Variants in CDH12 observed in about 807,000 individuals in gnomAD.
The protein encoded by CDH12 is cadherin-12.
In CDH12, 41 loss-of-function variants were observed where a neutral mutation model predicts 74.1. The ratio of observed to expected loss-of-function variants is 0.55; its 90% CI spans 0.43 to 0.72. The LOEUF is 0.72. Among genes scored for constraint, CDH12 ranks in the 30% least tolerant of loss-of-function variants. CDH12 has a pLI of 0.00. For missense variants in CDH12, 945 were observed against 977.2 expected (o/e 0.97, Z 0.44); for synonymous variants, 399 against 355.0 (o/e 1.12, Z -1.39).
chr5:22,073,930 C>T (rs9293008), intron 5 of CDH12, among the ~76,000 whole-genome samples: 56,053 of 151,946 alleles, frequency 0.37, 12,912 homozygotes, highest in African/African-American at 0.66. Context: ...TTTCCACATA[C>T]GCTCTTTCTA....
intron 6 of CDH12, among the ~76,000 whole-genome samples, chr5:21,948,873 G>C (rs917265821): frequency 3.3e-5 from 5 of 152,016 alleles, no homozygotes; most frequent in African/African-American, 1.2e-4. Flanking sequence ...GAGTTCTCAG[G>C]AGATCTGATG....
In CDH12 at chr5:22,086,585, C is replaced by T. The variant is rs186470616; in HGVS notation, c.-186-7723G>A. 7.0e-4 allele frequency among the ~76,000 whole-genome samples: 106 copies of T among 152,142 alleles called. 1 individual carries two copies. In the East Asian group the frequency reaches 0.02, roughly 28 times the overall value. ...TCTTGGCCAGGCTGGCATTGAACTC[C>T]TGACCTTGTGATCCACCCGCCTTGG... On this transcript the variant is annotated intron_variant, in intron 4 of 14. Transcript: ENST00000382254.
intron 6 of CDH12, among the ~76,000 whole-genome samples, chr5:21,876,572 T>G (rs1430180214): frequency 6.6e-6 from 1 of 152,210 alleles, no homozygotes; most frequent in Non-Finnish European, 1.5e-5. Flanking sequence ...TTCTACAATG[T>G]TTTCCTTATG....
intron 1 of CDH12, among the ~76,000 whole-genome samples, chr5:22,710,865 T>C (rs1239032728): frequency 5.9e-5 from 9 of 152,114 alleles, no homozygotes; most frequent in African/African-American, 1.7e-4. Flanking sequence ...AGATTCGTGA[T>C]GACCTTATAG....
At chr5:22,718,177 A>G (rs1561599942) in intron 1 of CDH12, among the ~76,000 whole-genome samples, 1 of 152,232 alleles carries the variant, frequency 6.6e-6, no homozygotes, top group Non-Finnish European at 1.5e-5. Flanking sequence ...TTGAGAAAGT[A>G]ATGTAAATAT....
At chr5:22,151,501 A>C (rs1172385128) in intron 4 of CDH12, among the ~76,000 whole-genome samples, 1 of 152,128 alleles carries the variant, frequency 6.6e-6, no homozygotes, top group Non-Finnish European at 1.5e-5. Context: ...TCCTTCCTCA[A>C]GAGATTAAAT....
intron 5 of CDH12, among the ~76,000 whole-genome samples, chr5:22,009,939 C>CAAAAAAAAAAAAAAAAAAA (rs774589642): frequency 5.7e-4 from 31 of 54,070 alleles, no homozygotes; most frequent in Non-Finnish European, 8.2e-4. Flanking sequence ...GAAACTGTCT[C>CAAAAAAAAAAAAAAAAAAA]AAAAAAAAAA....
intron 1 of CDH12, among the ~76,000 whole-genome samples, chr5:22,626,988 T>C (rs1738331362): frequency 6.6e-6 from 1 of 152,184 alleles, no homozygotes; most frequent in Admixed American, 6.5e-5. Context: ...ATAGACCATG[T>C]AGAGGAAAGA....
At chr5:22,560,819 C>A (rs2126748995) in intron 1 of CDH12, among the ~76,000 whole-genome samples, 1 of 152,200 alleles carries the variant, frequency 6.6e-6, no homozygotes, top group Non-Finnish European at 1.5e-5. Context: ...TGTGAAACTT[C>A]TAAGGATCAG....
chr5:21,802,695 G>A (rs550031417), intron 9 of CDH12, among the ~76,000 whole-genome samples: 3 of 146,130 alleles, frequency 2.1e-5, no homozygotes, highest in African/African-American at 7.5e-5. Flanking sequence ...GGGTTCAAGC[G>A]GTTCTCCTGC....
chr5:22,096,208 C>T (rs1743770573), intron 4 of CDH12, among the ~76,000 whole-genome samples: 1 of 152,094 alleles, frequency 6.6e-6, no homozygotes, highest in South Asian at 2.1e-4. Context: ...GCTGCTTGAC[C>T]CCAATACAAA....
chr5:21,818,507 C>A (rs1748189405), intron 8 of CDH12, among the ~76,000 whole-genome samples: 1 of 151,870 alleles, frequency 6.6e-6, no homozygotes, highest in Non-Finnish European at 1.5e-5. Context: ...GCATGGGAAG[C>A]AGTTAAATCT....
At chr5:22,188,135 T>TG (rs1750072426) in intron 4 of CDH12, among the ~76,000 whole-genome samples, 1 of 151,250 alleles carries the variant, frequency 6.6e-6, no homozygotes, top group South Asian at 2.1e-4. Context: ...GTTTGGGTTG[T>TG]GGGGGTGGAT....
intron 3 of CDH12, among the ~76,000 whole-genome samples, chr5:22,222,853 T>G (rs984984903): frequency 6.6e-6 from 1 of 152,000 alleles, no homozygotes; most frequent in Non-Finnish European, 1.5e-5. Flanking sequence ...AGTAATAATT[T>G]AAATGCATAA....
chr5:22,691,138 AG>A, intron 1 of CDH12, among the ~76,000 whole-genome samples: 1 of 152,344 alleles, frequency 6.6e-6, no homozygotes, highest in Non-Finnish European at 1.5e-5. Flanking sequence ...TTAAAGTCAC[AG>A]TTGTGTAGCT....
chr5:22,259,007 T>C (rs1753418947), intron 3 of CDH12, among the ~76,000 whole-genome samples: 1 of 152,082 alleles, frequency 6.6e-6, no homozygotes. Flanking sequence ...TGCCATTGCA[T>C]TTATTTAATT....
At chr5:22,540,259 TTTG>T (rs2126717956) in intron 1 of CDH12, among the ~76,000 whole-genome samples, 1 of 151,944 alleles carries the variant, frequency 6.6e-6, no homozygotes, top group Admixed American at 6.6e-5. Context: ...AGAGGATGAG[TTTG>T]TTGATTCTAT....
intron 1 of CDH12, among the ~76,000 whole-genome samples, chr5:22,708,019 C>CTAAATCAT (rs1743105164): frequency 1.3e-5 from 2 of 152,118 alleles, no homozygotes; most frequent in Admixed American, 1.3e-4. Flanking sequence ...GATTTGAAGG[C>CTAAATCAT]TGTCCTAAAA....
At chr5:22,604,513 T>C (rs1259539342) in intron 1 of CDH12, among the ~76,000 whole-genome samples, 2 of 152,176 alleles carry the variant, frequency 1.3e-5, no homozygotes, top group Admixed American at 1.3e-4. Flanking sequence ...CAATACACTT[T>C]AAAAGGGAAG....
Sources: allele counts gnomAD v4.1 joint callset (sites outside exome capture counted in the v4.1 genomes callset), GRCh38; gene constraint gnomAD v4.1.1; transcripts MANE v1.5; gene names NCBI Gene and HGNC (gene_info 2026-07-23, HGNC 2026-07-21).